Variants in UGT2B17 observed in about 807,000 individuals in gnomAD.
UGT2B17 encodes the protein UDP glucuronosyltransferase family 2 member B17.
A neutral mutation model predicts 48.2 loss-of-function variants in UGT2B17; 21 were observed. The ratio of observed to expected loss-of-function variants is 0.44; its 90% CI spans 0.31 to 0.63. UGT2B17 has a LOEUF of 0.63. Ranked by LOEUF, UGT2B17 falls within the 20% of genes least tolerant of loss-of-function variation. UGT2B17 has a pLI of 0.08. For synonymous variants in UGT2B17, 146 were observed against 238.4 expected (o/e 0.61, Z 3.57); for missense variants, 402 against 696.1 (o/e 0.58, Z 4.75).
rs534259405 is a variant in UGT2B17 at position 68,551,966 on chromosome 4, T to A, written c.1006-55A>T. ...ATGAATAGAACTCTAAAAATATAAC[T>A]TGTTAGAATTCTGAAGAGATTAATA... is the stretch of plus-strand genomic sequence containing the variant. On this transcript the variant is annotated intron_variant, in intron 4 of 6. Coordinates refer to ENST00000317746, the MANE Select transcript of UGT2B17 (RefSeq NM_001077.4). The A allele has an allele frequency of 8.7e-6, 10 of 1,149,776 alleles. 2 individuals carry two copies. The South Asian group carries it at 1.6e-4, about 18-fold the overall frequency. 71.2% of individuals were successfully genotyped at this position (1,149,776 alleles called of 1,614,324 possible).
At chr4:68,563,823 A>C (rs754938543) in intron 3 of UGT2B17, among the ~76,000 whole-genome samples, 1 of 126,158 alleles carries the variant, frequency 7.9e-6, no homozygotes, top group Non-Finnish European at 1.7e-5. Context: ...TTAAACATTT[A>C]TATTTAAACA....
Position 68,537,479 on chromosome 4 carries a change from T to G in UGT2B17, c.*146A>C. On this transcript the variant is annotated 3_prime_UTR_variant, in exon 7 of 7. Transcript: ENST00000317746. Reference sequence around the variant, plus strand: ...CCAACTAAAGTACATATTAAATTCCTGGAAAATAAATTTTGACTTAACAGG... The same window carrying G: ...CCAACTAAAGTACATATTAAATTCCGGGAAAATAAATTTTGACTTAACAGG... 1 of 703,188 alleles carries G rather than the reference T, an allele frequency of 1.4e-6. No homozygotes were observed. Among genetic ancestry groups the G allele is most frequent in the Non-Finnish European group, 1.9e-6 (1 of 520,118 alleles). The allele number at this position is 703,188 out of a possible 1,614,324, so 43.6% of individuals were successfully genotyped here.
intron 3 of UGT2B17, among the ~76,000 whole-genome samples, chr4:68,561,653 T>C (rs759902155): frequency 8.1e-6 from 1 of 123,492 alleles, no homozygotes; most frequent in Non-Finnish European, 1.7e-5. Flanking sequence ...CCTCACACTA[T>C]ATGAAGCTCC....
At chr4:68,542,524 G>T (rs1436826786) in intron 6 of UGT2B17, among the ~76,000 whole-genome samples, 1 of 126,726 alleles carries the variant, frequency 7.9e-6, no homozygotes, top group African/African-American at 2.7e-5. Context: ...TGACACAGAT[G>T]AGGAATGATT....
In UGT2B17 at chr4:68,553,039, T is replaced by A. The variant is rs1394529393; in HGVS notation, c.1006-1128A>T. Among the ~76,000 whole-genome samples the A allele has an allele frequency of 4.8e-5, 6 of 125,144 alleles. 2 individuals carry two copies. Among genetic ancestry groups the A allele is most frequent in the African/African-American group, 1.6e-4 (6 of 36,612 alleles). The allele number at this position is 125,144 out of a possible 152,430, so 82.1% of individuals were successfully genotyped here. On this transcript the variant is annotated intron_variant, in intron 4 of 6. Coordinates refer to ENST00000317746, the MANE Select transcript of UGT2B17 (RefSeq NM_001077.4). ...ACCCATCCGTAGGTAAATAGCTGAA[T>A]TGGGGTTTTGTCTTGGTTAATGTTT... is the stretch of plus-strand genomic sequence containing the variant.
rs200590612 is a variant in UGT2B17 at position 68,556,257 on chromosome 4, ATAT to A, written c.1005+4277_1005+4279del. On this transcript the variant is annotated intron_variant, in intron 4 of 6. Transcript: ENST00000317746. Reference sequence around the variant, plus strand: ...CTTAAGGGATTGATTTACTCTTAAAATATTATGAGTTTTTTTTTTTTAACCCAA... The same window carrying A: ...CTTAAGGGATTGATTTACTCTTAAAATATGAGTTTTTTTTTTTTAACCCAA... 3.9e-3 allele frequency among the ~76,000 whole-genome samples: 463 copies of A among 119,952 alleles called. 105 individuals are homozygous for A. Among genetic ancestry groups the A allele is most frequent in the Admixed American group, 7.8e-3 (94 of 12,006 alleles). The allele number at this position is 119,952 out of a possible 152,430, so 78.7% of individuals were successfully genotyped here. A position where few individuals can be genotyped will look rare whatever the true frequency, so the allele number is the denominator to read the frequency against.
In UGT2B17 at chr4:68,551,107, G is replaced by A. The variant is rs1196555202; in HGVS notation, c.1094-211C>T. 2.4e-5 allele frequency among the ~76,000 whole-genome samples: 3 copies of A among 125,022 alleles called. 1 individual carries two copies. Among genetic ancestry groups the A allele is most frequent in the Non-Finnish European group, 5.1e-5 (3 of 59,106 alleles). 82.0% of individuals were successfully genotyped at this position (125,022 alleles called of 152,430 possible). On this transcript the variant is annotated intron_variant, in intron 5 of 6. Transcript: ENST00000317746. Reference sequence around the variant, plus strand: ...AGGCTACATGAAAAGGTGGTGGTCTGTGTGTCTTCACAGTGGAAACATAAA... The same window carrying A: ...AGGCTACATGAAAAGGTGGTGGTCTATGTGTCTTCACAGTGGAAACATAAA...
At position 68,543,844 on chromosome 4, in the gene UGT2B17, GA is replaced by G. The variant is rs974670883; in HGVS notation, c.1314-5941del. Among the ~76,000 whole-genome samples the G allele has an allele frequency of 8.0e-5, 10 of 125,462 alleles. 1 individual carries two copies. Among genetic ancestry groups the G allele is most frequent in the African/African-American group, 2.7e-4 (10 of 36,672 alleles). 82.3% of individuals were successfully genotyped at this position (125,462 alleles called of 152,430 possible). ...AGAAACGGTATCAGTGATGGAAGATGAAATGAATGAAATGAAGCAAGAAGAG... is the reference window on the plus strand; with the variant it reads ...AGAAACGGTATCAGTGATGGAAGATGAATGAATGAAATGAAGCAAGAAGAG... On this transcript the variant is annotated intron_variant, in intron 6 of 6. Coordinates refer to ENST00000317746, the MANE Select transcript of UGT2B17 (RefSeq NM_001077.4).
In UGT2B17 at chr4:68,563,347, C is replaced by G. The variant is rs1578171157; in HGVS notation, c.873+2225G>C. On this transcript the variant is annotated intron_variant, in intron 3 of 6. Transcript: ENST00000317746. ...AGCCAGTGCCGGGCACGGAGGCTCA[C>G]ACTTGTAATCCCAGCACTTTGGAAG... Among the ~76,000 whole-genome samples the G allele has an allele frequency of 1.6e-5, 2 of 127,474 alleles. 1 individual carries two copies. The highest frequency in any genetic ancestry group is 7.2e-4 in the South Asian group (2 of 2,790). The allele number at this position is 127,474 out of a possible 152,430, so 83.6% of individuals were successfully genotyped here. A position where few individuals can be genotyped will look rare whatever the true frequency, so the allele number is the denominator to read the frequency against.
intron 1 of UGT2B17, among the ~76,000 whole-genome samples, chr4:68,571,943 T>C (rs1731302249): frequency 8.0e-6 from 1 of 125,670 alleles, no homozygotes; most frequent in Admixed American, 8.2e-5. Flanking sequence ...TTTATCCATG[T>C]CTAATGATAT....
rs545334295 is a variant in UGT2B17 at position 68,563,204 on chromosome 4, A to G, written c.873+2368T>C. On this transcript the variant is annotated intron_variant, in intron 3 of 6. Coordinates refer to ENST00000317746, the MANE Select transcript of UGT2B17 (RefSeq NM_001077.4). ...CAAACATTATCTGAGAATCTAATAC[A>G]TAATGGAAAAGCAAGCAAATTTGTG... Among the ~76,000 whole-genome samples, 58 of 127,570 alleles carry G rather than the reference A, an allele frequency of 4.5e-4. 13 individuals carry two copies. The highest frequency in any genetic ancestry group is 1.5e-3 in the African/African-American group (55 of 37,462). 83.7% of individuals were successfully genotyped at this position (127,570 alleles called of 152,430 possible).
chr4:68,574,207 T>C (rs1329792630), intron 1 of UGT2B17, among the ~76,000 whole-genome samples: 1 of 127,402 alleles, frequency 7.8e-6, no homozygotes, highest in Non-Finnish European at 1.7e-5. Flanking sequence ...GTAAAATGAA[T>C]ATTTCCATTA....
In UGT2B17 at chr4:68,575,292, C is replaced by T. The variant is rs533409443; in HGVS notation, c.-65+659G>A. Among the ~76,000 whole-genome samples the T allele has an allele frequency of 1.2e-3, 147 of 118,132 alleles. 18 individuals carry two copies. The highest frequency in any genetic ancestry group is 4.1e-3 in the African/African-American group (141 of 34,044). 77.5% of individuals were successfully genotyped at this position (118,132 alleles called of 152,430 possible). A position where few individuals can be genotyped will look rare whatever the true frequency, so the allele number is the denominator to read the frequency against. On this transcript the variant is annotated intron_variant, in intron 1 of 6. Transcript: ENST00000317746. ...GGGGGTGGGGGGAAGGGGTCTAAAA[C>T]CAGCTGTAACTGTCTATGTACAGAA...
At chr4:68,569,808 C>T (rs1252813799) in intron 1 of UGT2B17, among the ~76,000 whole-genome samples, 1 of 126,480 alleles carries the variant, frequency 7.9e-6, no homozygotes, top group African/African-American at 2.7e-5. Context: ...ACTGTCCCAT[C>T]CTCACTTGGG....
At chr4:68,564,294 A>T (rs74889273) in intron 3 of UGT2B17, among the ~76,000 whole-genome samples, 52,516 of 76,008 alleles carry the variant, frequency 0.69, 21,836 homozygotes, top group Admixed American at 0.82. Flanking sequence ...ATATATATAT[A>T]TTTTTTTTTT....
rs530164805 is a variant in UGT2B17, at chr4:68,563,338, G to A, written c.873+2234C>T. 2.8e-4 allele frequency among the ~76,000 whole-genome samples: 36 copies of A among 127,228 alleles called. 13 individuals are homozygous for A. In the South Asian group the frequency reaches 0.011, roughly 38 times the overall value. 83.5% of individuals were successfully genotyped at this position (127,228 alleles called of 152,430 possible). A position where few individuals can be genotyped will look rare whatever the true frequency, so the allele number is the denominator to read the frequency against. On this transcript the variant is annotated intron_variant, in intron 3 of 6. Coordinates refer to ENST00000317746, the MANE Select transcript of UGT2B17 (RefSeq NM_001077.4). ...AACAACAACAGCCAGTGCCGGGCAC[G>A]GAGGCTCACACTTGTAATCCCAGCA...
chr4:68,564,557 G>A lies in UGT2B17; in HGVS notation c.873+1015C>T, dbSNP rs1305937578. 4.5e-4 allele frequency among the ~76,000 whole-genome samples: 56 copies of A among 123,978 alleles called. 15 individuals are homozygous for A. Among genetic ancestry groups the A allele is most frequent in the Admixed American group, 2.2e-3 (26 of 12,010 alleles). The allele number at this position is 123,978 out of a possible 152,430, so 81.3% of individuals were successfully genotyped here. A position where few individuals can be genotyped will look rare whatever the true frequency, so the allele number is the denominator to read the frequency against. On this transcript the variant is annotated intron_variant, in intron 3 of 6. Transcript: ENST00000317746. ...GCCTGCCTCGGCCTCCCAAAGTGCT[G>A]GGATTACAGGTGTAAGCCACCACGC...
At position 68,542,056 on chromosome 4, in the gene UGT2B17, A is replaced by G. The variant is rs556045918; in HGVS notation, c.1314-4152T>C. On this transcript the variant is annotated intron_variant, in intron 6 of 6. Coordinates refer to ENST00000317746, the MANE Select transcript of UGT2B17 (RefSeq NM_001077.4). ...GGTTTGGTTACTGTAAGGTGTAAGG[A>G]AGGGATCCAGTTGCAGTTTTCTCCA... 8.8e-5 allele frequency among the ~76,000 whole-genome samples: 11 copies of G among 125,218 alleles called. 3 individuals are homozygous for G. The highest frequency in any genetic ancestry group is 8.2e-4 in the Admixed American group (10 of 12,204). 82.1% of individuals were successfully genotyped at this position (125,218 alleles called of 152,430 possible). A position where few individuals can be genotyped will look rare whatever the true frequency, so the allele number is the denominator to read the frequency against.
intron 4 of UGT2B17, among the ~76,000 whole-genome samples, chr4:68,558,591 A>T (rs1417143397): frequency 8.0e-6 from 1 of 125,076 alleles, no homozygotes; most frequent in Non-Finnish European, 1.7e-5. Context: ...TCCTCCCTTT[A>T]TTTTGTCTTC....
Sources: allele counts gnomAD v4.1 joint callset (sites outside exome capture counted in the v4.1 genomes callset), GRCh38; gene constraint gnomAD v4.1.1; transcripts MANE v1.5; gene names NCBI Gene and HGNC (gene_info 2026-07-23, HGNC 2026-07-21).